Variants in ARMC6 observed in about 807,000 individuals in gnomAD.
The protein encoded by ARMC6 is armadillo repeat-containing protein 6.
Under a neutral mutation model 49.2 loss-of-function variants are expected in ARMC6, and 43 were observed. The observed-to-expected ratio is 0.87, with a 90% confidence interval of 0.69 to 1.13. ARMC6 has a LOEUF of 1.13. Among genes scored for constraint, ARMC6 ranks in the 50% most tolerant of loss-of-function variants. The pLI, the probability that ARMC6 is intolerant of heterozygous loss-of-function variation, is 0.00. For synonymous variants in ARMC6, 262 were observed against 289.6 expected (o/e 0.90, Z 0.97); for missense variants, 627 against 682.0 (o/e 0.92, Z 0.90).
intron 2 of ARMC6, among the ~76,000 whole-genome samples, chr19:19,034,581 T>G (rs11670204): frequency 1.1e-4 from 17 of 151,738 alleles, no homozygotes; most frequent in Admixed American, 1.1e-3. Context: ...CCCCAGCATG[T>G]CATGGCACAC....
Position 19,057,861 on chromosome 19 carries a change from G to A in ARMC6, c.*233G>A, listed in dbSNP as rs193110391. The stretch of plus-strand genomic sequence containing the variant: ...CTTCTGGGTCCCAGCCAGCAGCACG[G>A]ATGTTACTGTCCTGCTCCTTCCCCC... On this transcript the variant is annotated 3_prime_UTR_variant, in exon 9 of 9. Transcript: ENST00000535612. The A allele has an allele frequency of 1.2e-3, 866 of 697,172 alleles. 9 individuals carry two copies. The African/African-American group carries it at 0.013, about 11-fold the overall frequency. The allele number at this position is 697,172 out of a possible 1,614,324, so 43.2% of individuals were successfully genotyped here.
intron 2 of ARMC6, among the ~76,000 whole-genome samples, chr19:19,040,076 G>A (rs2059399696): frequency 6.6e-6 from 1 of 152,226 alleles, no homozygotes; most frequent in African/African-American, 2.4e-5. Context: ...TCTGTACTAG[G>A]CAGTGCAGAT....
intron 5 of ARMC6, 93 bp downstream of exon 5, chr19:19,052,288 CGGCA>C: frequency 8.1e-7 from 1 of 1,236,596 alleles, no homozygotes; most frequent in Non-Finnish European, 1.1e-6. Context: ...GCTTTAGGCA[CGGCA>C]GGCTCAAGGC....
intron 4 of ARMC6, among the ~76,000 whole-genome samples, chr19:19,046,927 GTTTT>G (rs386388691): frequency 0.031 from 3,267 of 104,376 alleles, 140 homozygotes; most frequent in African/African-American, 0.11. Flanking sequence ...ATGCTCACCT[GTTTT>G]TTTTTTTTTT....
At position 19,057,935 on chromosome 19, in the gene ARMC6, T is replaced by G; in HGVS notation, c.*307T>G. 4.4e-6 allele frequency: 2 copies of G among 456,140 alleles called. No individual in the cohort carries two copies. The highest frequency in any genetic ancestry group is 8.2e-6 in the Non-Finnish European group (2 of 244,040). 28.3% of individuals were successfully genotyped at this position (456,140 alleles called of 1,614,324 possible). A position where few individuals can be genotyped will look rare whatever the true frequency, so the allele number is the denominator to read the frequency against. The stretch of plus-strand genomic sequence containing the variant: ...GCAAAGGGCACGTCCCATCACTCAC[T>G]GCCCTGTCTGAAATGTGGCAGCCAC... On this transcript the variant is annotated 3_prime_UTR_variant, in exon 9 of 9. Transcript: ENST00000535612.
rs141816725 is a variant in ARMC6, at chr19:19,053,494, T to TTAA, written c.854-637_854-635dup. 1.8e-3 allele frequency among the ~76,000 whole-genome samples: 280 copies of TTAA among 151,404 alleles called. 1 individual carries two copies. In the Middle Eastern group the frequency reaches 0.024, roughly 13 times the overall value. On this transcript the variant is annotated intron_variant, in intron 5 of 8. Coordinates refer to ENST00000535612, the MANE Select transcript of ARMC6 (RefSeq NM_001199196.2). ...AAAGCGAGACTCTGTCTCAAAAAAATTAATAATAATAATAATAATAATAGA... is the reference window on the plus strand; with the variant it reads ...AAAGCGAGACTCTGTCTCAAAAAAATTAATAATAATAATAATAATAATAATAGA...
intron 2 of ARMC6, chr19:19,037,736 A>C: frequency 9.1e-7 from 1 of 1,104,240 alleles, no homozygotes; most frequent in Non-Finnish European, 1.1e-6. Context: ...TTAAAATTTA[A>C]AAAGTTGTTA....
intron 4 of ARMC6, among the ~76,000 whole-genome samples, chr19:19,045,973 A>G (rs921842843): frequency 6.6e-6 from 1 of 151,716 alleles, no homozygotes; most frequent in Admixed American, 6.6e-5. Flanking sequence ...TTCTTAAAAT[A>G]TGTTCTCTTA....
chr19:19,038,493 A>G (rs1053668537), intron 2 of ARMC6, among the ~76,000 whole-genome samples: 1 of 152,234 alleles, frequency 6.6e-6, no homozygotes, highest in Non-Finnish European at 1.5e-5. Flanking sequence ...AGTGGAAGGT[A>G]CTGCCCAAGG....
intron 2 of ARMC6, among the ~76,000 whole-genome samples, chr19:19,036,351 G>A (rs986643467): frequency 8.5e-5 from 13 of 152,124 alleles, no homozygotes; most frequent in East Asian, 5.8e-4. Context: ...CATGAGCCAC[G>A]GAGCCAGGCC....
At chr19:19,056,583 A>G (rs2059546659) in intron 8 of ARMC6, among the ~76,000 whole-genome samples, 2 of 152,186 alleles carry the variant, frequency 1.3e-5, no homozygotes, top group Non-Finnish European at 2.9e-5. Context: ...AAAAGTCCCT[A>G]TAGAGAGATC....
At chr19:19,043,338 A>G (rs80248477) in intron 3 of ARMC6, among the ~76,000 whole-genome samples, 2,406 of 152,222 alleles carry the variant, frequency 0.016, 70 homozygotes, top group African/African-American at 0.055. Flanking sequence ...TCCGGCAGAG[A>G]CCCTGACTGC....
chr19:19,043,439 C>T (rs1006713266), intron 3 of ARMC6, among the ~76,000 whole-genome samples: 1 of 152,202 alleles, frequency 6.6e-6, no homozygotes, highest in Admixed American at 6.5e-5. Context: ...CCACACTCCC[C>T]TCCTCCTGCC....
rs1469577535 is a variant in ARMC6 at position 19,057,577 on chromosome 19, T to C, written c.1455T>C (p.His485=). ...AKAALRDLGC[H]VELRELWTGQ... The stretch of plus-strand genomic sequence containing the variant: ...CCGCCCTGCGGGACCTGGGTTGTCA[T>C]GTCGAGCTCCGAGAGCTGTGGACAG... Residue 485 remains histidine, a synonymous_variant, in exon 9 of 9, where the codon CAT becomes CAC. Coordinates refer to ENST00000535612, the MANE Select transcript of ARMC6 (RefSeq NM_001199196.2). The C allele has an allele frequency of 2.5e-6, 4 of 1,613,540 alleles. No individual in the cohort carries two copies. Among genetic ancestry groups the C allele is most frequent in the Non-Finnish European group, 1.7e-6 (2 of 1,179,974 alleles).
At chr19:19,039,757 T>A (rs928815453) in intron 2 of ARMC6, among the ~76,000 whole-genome samples, 7 of 152,216 alleles carry the variant, frequency 4.6e-5, no homozygotes, top group Non-Finnish European at 1.0e-4. Flanking sequence ...TATACCACCA[T>A]GCGCACAGAC....
At chr19:19,043,261 T>C (rs2059424158) in intron 3 of ARMC6, among the ~76,000 whole-genome samples, 1 of 151,662 alleles carries the variant, frequency 6.6e-6, no homozygotes, top group Non-Finnish European at 1.5e-5. Context: ...TGCAGATGAG[T>C]GTGGTTATGA....
At chr19:19,056,263 G>GTTTTT (rs533708367) in intron 8 of ARMC6, among the ~76,000 whole-genome samples, 2 of 134,572 alleles carry the variant, frequency 1.5e-5, no homozygotes, top group South Asian at 2.3e-4. Flanking sequence ...CCTTCTGTGG[G>GTTTTT]TTTTTTTTTT....
At chr19:19,057,015 A>G (rs574679908) in intron 8 of ARMC6, among the ~76,000 whole-genome samples, 26 of 152,320 alleles carry the variant, frequency 1.7e-4, no homozygotes, top group Admixed American at 3.9e-4. Flanking sequence ...CAGGGCACAA[A>G]TGTCCACTGA....
intron 8 of ARMC6, among the ~76,000 whole-genome samples, chr19:19,056,988 C>T (rs955853499): frequency 6.6e-6 from 1 of 152,244 alleles, no homozygotes; most frequent in Non-Finnish European, 1.5e-5. Context: ...GCCCCGCGCC[C>T]ACCCACAGCA....
Sources: gnomAD v4.1 joint callset for allele counts (sites outside exome capture counted in the v4.1 genomes callset) on GRCh38, gnomAD v4.1.1 for gene constraint, MANE v1.5 for transcripts, NCBI Gene and HGNC (gene_info 2026-07-23, HGNC 2026-07-21) for gene names.